The following MACROD2 variants were observed in gnomAD, a reference collection of about 807,000 sequenced individuals.
MACROD2 encodes ADP-ribose glycohydrolase MACROD2.
MACROD2 carries 36 observed loss-of-function variants against 70.4 expected under a neutral mutation model. That is an observed-to-expected ratio of 0.51 (90% CI 0.39 to 0.68). The LOEUF is 0.68. MACROD2 is among the 30% of genes least tolerant of loss of function. MACROD2 has a pLI of 0.00. For missense variants in MACROD2, 496 were observed against 538.4 expected (o/e 0.92, Z 0.78); for synonymous variants, 172 against 178.8 (o/e 0.96, Z 0.30).
intron 5 of MACROD2, among the ~76,000 whole-genome samples, chr20:15,119,969 G>T (rs558429591): frequency 6.6e-6 from 1 of 152,242 alleles, no homozygotes; most frequent in East Asian, 1.9e-4. Flanking sequence ...TATCTACTTA[G>T]TCTGAGCAGT....
chr20:14,493,656 T>C (rs2084819306), intron 4 of MACROD2, 148 bp downstream of exon 4: 5 of 601,856 alleles, frequency 8.3e-6, no homozygotes, highest in South Asian at 8.2e-5. Context: ...AAATAATTTA[T>C]AATATAAATA....
intron 3 of MACROD2, among the ~76,000 whole-genome samples, chr20:14,406,232 C>A (rs2083689479): frequency 6.6e-6 from 1 of 152,046 alleles, no homozygotes; most frequent in Admixed American, 6.6e-5. Flanking sequence ...CATAAAATAG[C>A]AGTAAATAGG....
intron 8 of MACROD2, among the ~76,000 whole-genome samples, chr20:15,575,045 T>C (rs954880023): frequency 1.3e-5 from 2 of 152,198 alleles, no homozygotes; most frequent in African/African-American, 4.8e-5. Flanking sequence ...TCAAAGTTAA[T>C]TTTACCACGT....
intron 8 of MACROD2, among the ~76,000 whole-genome samples, chr20:15,696,037 T>C (rs1165168966): frequency 6.6e-6 from 1 of 152,216 alleles, no homozygotes; most frequent in Admixed American, 6.5e-5. Context: ...CCCTTATTTC[T>C]TTCTCTTGTC....
At chr20:14,514,594 T>C (rs1438238067) in intron 4 of MACROD2, among the ~76,000 whole-genome samples, 1 of 152,142 alleles carries the variant, frequency 6.6e-6, no homozygotes, top group Non-Finnish European at 1.5e-5. Flanking sequence ...ACTGAATTTT[T>C]TTTATCGCAG....
At chr20:15,142,311 A>G (rs143863131) in intron 5 of MACROD2, among the ~76,000 whole-genome samples, 1 of 152,308 alleles carries the variant, frequency 6.6e-6, no homozygotes, top group East Asian at 1.9e-4. Flanking sequence ...GTTTTTGATA[A>G]TGGCAAATGC....
chr20:15,481,653 G>A (rs372361030), intron 7 of MACROD2, among the ~76,000 whole-genome samples: 6 of 151,628 alleles, frequency 4.0e-5, no homozygotes, highest in African/African-American at 7.3e-5. Context: ...TCATGCTTTC[G>A]TTGTATAGCT....
chr20:15,991,710 A>G (rs1008078651), intron 15 of MACROD2, among the ~76,000 whole-genome samples: 14 of 152,316 alleles, frequency 9.2e-5, no homozygotes, highest in South Asian at 6.2e-4. Context: ...GTAATACTAT[A>G]TTATTCATAT....
intron 6 of MACROD2, among the ~76,000 whole-genome samples, chr20:15,307,552 C>G (rs866456578): frequency 3.3e-5 from 5 of 152,118 alleles, no homozygotes; most frequent in Middle Eastern, 6.8e-3. Flanking sequence ...TTCTATTTCC[C>G]AACTTTTGGG....
intron 1 of MACROD2, among the ~76,000 whole-genome samples, chr20:13,997,266 T>TAA (rs2052675909): frequency 6.6e-6 from 1 of 152,222 alleles, no homozygotes; most frequent in African/African-American, 2.4e-5. Flanking sequence ...GCCTGATAGA[T>TAA]AAAGTAGTGT....
At position 15,801,185 on chromosome 20, in the gene MACROD2, TTAA is replaced by T. The variant is rs1568569046; in HGVS notation, c.646-61559_646-61557del. On this transcript the variant is annotated intron_variant, in intron 8 of 17. Coordinates refer to ENST00000684519, the MANE Select transcript of MACROD2 (RefSeq NM_001351661.2). Reference sequence around the variant, plus strand: ...GCGAGAAACACCCAAGAATGATCAATTAAAAAAAAAAAAAAAAAACGAAAAACA... The same window carrying T: ...GCGAGAAACACCCAAGAATGATCAATAAAAAAAAAAAAAAAACGAAAAACA... Among the ~76,000 whole-genome samples the T allele has an allele frequency of 5.6e-5, 5 of 89,662 alleles. 1 individual carries two copies. Among genetic ancestry groups the T allele is most frequent in the Non-Finnish European group, 9.7e-5 (4 of 41,246 alleles). 58.8% of individuals were successfully genotyped at this position (89,662 alleles called of 152,430 possible).
At chr20:14,977,500 C>CACACACACAA (rs895079209) in intron 5 of MACROD2, among the ~76,000 whole-genome samples, 1 of 147,754 alleles carries the variant, frequency 6.8e-6, no homozygotes, top group African/African-American at 2.6e-5. Flanking sequence ...CACACACACA[C>CACACACACAA]AATTAGGGTT....
chr20:14,679,866 A>G (rs534868454), intron 4 of MACROD2, among the ~76,000 whole-genome samples: 10 of 152,342 alleles, frequency 6.6e-5, no homozygotes, highest in East Asian at 1.9e-4. Context: ...CTTCATACCA[A>G]TAGTAACTAG....
intron 7 of MACROD2, among the ~76,000 whole-genome samples, chr20:15,465,468 G>A (rs114641656): frequency 3.9e-5 from 6 of 152,394 alleles, no homozygotes; most frequent in Admixed American, 6.5e-5. Flanking sequence ...GGCCCAGGCC[G>A]TGAGACAAAT....
chr20:14,084,163 T>C (rs2054044607), intron 2 of MACROD2, among the ~76,000 whole-genome samples: 2 of 150,300 alleles, frequency 1.3e-5, no homozygotes. Flanking sequence ...TTTATGGTCA[T>C]AGATTATTTT....
chr20:14,809,509 A>T (rs962215203), intron 5 of MACROD2, among the ~76,000 whole-genome samples: 2 of 152,102 alleles, frequency 1.3e-5, no homozygotes, highest in Non-Finnish European at 2.9e-5. Flanking sequence ...ACACCCTAAC[A>T]TCACAATTAA....
In MACROD2 at chr20:15,001,700, T is replaced by G. The variant is rs151242441; in HGVS notation, c.419-228240T>G. Among the ~76,000 whole-genome samples, 999 of 152,042 alleles carry G rather than the reference T, an allele frequency of 6.6e-3. 3 individuals carry two copies. Among genetic ancestry groups the G allele is most frequent in the Middle Eastern group, 0.017 (5 of 294 alleles). Reference sequence around the variant, plus strand: ...TGAGGTCTAGAACATGTTATCTTATTTTTTGTTTTTTTTTAATTTTTATTT... The same window carrying G: ...TGAGGTCTAGAACATGTTATCTTATGTTTTGTTTTTTTTTAATTTTTATTT... On this transcript the variant is annotated intron_variant, in intron 5 of 17. Coordinates refer to ENST00000684519, the MANE Select transcript of MACROD2 (RefSeq NM_001351661.2).
chr20:14,205,826 A>C (rs1010493436), intron 3 of MACROD2, among the ~76,000 whole-genome samples: 1 of 152,234 alleles, frequency 6.6e-6, no homozygotes, highest in Non-Finnish European at 1.5e-5. Flanking sequence ...CCTCTCTGCT[A>C]TAGATCTATT....
intron 16 of MACROD2, among the ~76,000 whole-genome samples, chr20:16,041,919 C>T (rs536682973): frequency 3.3e-5 from 5 of 152,074 alleles, no homozygotes; most frequent in African/African-American, 1.2e-4. Context: ...ATTAGAGAAA[C>T]AACTATTTAA....
Sources: allele counts gnomAD v4.1 joint callset (sites outside exome capture counted in the v4.1 genomes callset), GRCh38; gene constraint gnomAD v4.1.1; transcripts MANE v1.5; gene names NCBI Gene and HGNC (gene_info 2026-07-23, HGNC 2026-07-21).